The following MERTK variants were observed in gnomAD, a reference collection of about 807,000 sequenced individuals.
MERTK encodes the protein tyrosine-protein kinase Mer.
Under a neutral mutation model 99.3 loss-of-function variants are expected in MERTK, and 69 were observed. That is an observed-to-expected ratio of 0.70 (90% confidence interval 0.57 to 0.85). MERTK has a LOEUF of 0.85. MERTK is among the 40% of genes least tolerant of loss of function. The pLI, the probability that MERTK is intolerant of heterozygous loss-of-function variation, is 0.00. For missense variants in MERTK, 1,125 were observed against 1,249.4 expected (o/e 0.90, Z 1.50); for synonymous variants, 426 against 467.6 (o/e 0.91, Z 1.15).
chr2:111,961,838 T>C (rs559510181), intron 4 of MERTK, among the ~76,000 whole-genome samples: 1 of 152,334 alleles, frequency 6.6e-6, no homozygotes, highest in Non-Finnish European at 1.5e-5. Context: ...CAGTCACAGC[T>C]CTCTGCCATG....
chr2:111,900,729 A>G (rs542491012), intron 1 of MERTK, among the ~76,000 whole-genome samples: 10 of 152,206 alleles, frequency 6.6e-5, no homozygotes, highest in Admixed American at 2.0e-4. Context: ...TTTGAACTTT[A>G]CCTATGAGAT....
intron 8 of MERTK, among the ~76,000 whole-genome samples, chr2:111,986,223 G>A (rs1516628): frequency 0.62 from 94,091 of 152,058 alleles, 29,491 homozygotes; most frequent in Middle Eastern, 0.69. Flanking sequence ...TCACAGCTGC[G>A]AGAGAAGCAG....
At chr2:111,967,989 A>T in intron 5 of MERTK, 148 bp from the exon 6 acceptor site, 1 of 697,648 alleles carries the variant, frequency 1.4e-6, no homozygotes. Flanking sequence ...ACCCTCAGGC[A>T]TAGGGAGGCT....
chr2:111,908,922 CA>C (rs1181159588), intron 1 of MERTK, among the ~76,000 whole-genome samples: 2 of 152,072 alleles, frequency 1.3e-5, no homozygotes, highest in African/African-American at 2.4e-5. Flanking sequence ...AACATCTCAA[CA>C]GCAAAAAACA....
rs762102995 is a variant in MERTK, at chr2:112,010,074, T to A, written c.2079+8T>A. 1.6e-5 allele frequency: 25 copies of A among 1,572,136 alleles called. No individual in the cohort carries two copies. In the South Asian group the frequency reaches 2.7e-4, roughly 17 times the overall value. On this transcript the variant is annotated splice_region_variant and intron_variant, in intron 15 of 18. Coordinates refer to ENST00000295408, the MANE Select transcript of MERTK (RefSeq NM_006343.3). ...TTGGAGACAGGACCAAAGGTAATGA[T>A]CTCCTTGTGTTACCCCTGAACACTT...
chr2:111,972,556 AT>A (rs1297710202), intron 6 of MERTK, among the ~76,000 whole-genome samples: 1 of 152,200 alleles, frequency 6.6e-6, no homozygotes, highest in Non-Finnish European at 1.5e-5. Flanking sequence ...ATGAAGAAGC[AT>A]CCTGAGACAG....
chr2:111,928,216 CTTTTTTTTTTTTT>C (rs34872417), intron 1 of MERTK, among the ~76,000 whole-genome samples: 4 of 84,848 alleles, frequency 4.7e-5, no homozygotes, highest in Non-Finnish European at 8.6e-5. Flanking sequence ...CCATGAGCAG[CTTTTTTTTTTTTT>C]TTTTTTTTTT....
chr2:111,964,785 G>C (rs1164865286), intron 4 of MERTK, among the ~76,000 whole-genome samples: 1 of 152,006 alleles, frequency 6.6e-6, no homozygotes, highest in Non-Finnish European at 1.5e-5. Flanking sequence ...CTTTTATTTT[G>C]CTATTTCTGG....
chr2:112,008,825 G>C, intron 14 of MERTK: 1 of 357,278 alleles, frequency 2.8e-6, no homozygotes, highest in Non-Finnish European at 5.4e-6. Flanking sequence ...TTAGATAGCA[G>C]TGGGATAAAG....
At chr2:111,973,213 G>C (rs554744252) in intron 6 of MERTK, among the ~76,000 whole-genome samples, 1 of 152,274 alleles carries the variant, frequency 6.6e-6, no homozygotes, top group East Asian at 1.9e-4. Flanking sequence ...CCTGAGCCTG[G>C]AAGTGCTCCC....
rs1240257353 is a variant in MERTK at position 111,947,424 on chromosome 2, G to A, written c.614G>A (p.Ser205Asn). ...CCTCACTTTACTAAGCAGCCTGAGA[G>A]CATGAATGTCACCAGAAACACAGCC... ...GLPHFTKQPE[S>N]MNVTRNTAFN... The change falls in exon 4 of 19, where the codon AGC becomes AAC. Residue 205 changes from serine to asparagine, a missense_variant. Physicochemically the swap from Ser to Asn is conservative, Grantham distance 46 (BLOSUM62 1). Transcript: ENST00000295408. The A allele has an allele frequency of 2.9e-5, 47 of 1,614,066 alleles. No homozygotes were observed. The highest frequency in any genetic ancestry group is 1.6e-4 in the Middle Eastern group (1 of 6,084).
chr2:111,938,263 T>C (rs1684798268), intron 2 of MERTK, among the ~76,000 whole-genome samples: 1 of 104,788 alleles, frequency 9.5e-6, no homozygotes, highest in Non-Finnish European at 2.1e-5. Context: ...GTTTGTTGTT[T>C]GTTTTTTTGT....
chr2:111,910,498 G>GA (rs910234779), intron 1 of MERTK, among the ~76,000 whole-genome samples: 2 of 151,506 alleles, frequency 1.3e-5, no homozygotes, highest in Non-Finnish European at 2.9e-5. Flanking sequence ...TCGAACTCCT[G>GA]ACCTCAGGTG....
intron 1 of MERTK, among the ~76,000 whole-genome samples, chr2:111,915,065 T>G (rs1194572995): frequency 6.6e-6 from 1 of 152,230 alleles, no homozygotes; most frequent in Admixed American, 6.5e-5. Context: ...TTCAATTTCC[T>G]TAATAGTTAT....
intron 1 of MERTK, among the ~76,000 whole-genome samples, chr2:111,925,290 A>ATTTTTTTTTTT (rs1336943200): frequency 9.5e-5 from 3 of 31,504 alleles, no homozygotes; most frequent in Non-Finnish European, 1.6e-4. Context: ...ATATATATAT[A>ATTTTTTTTTTT]TATTTTTTTT....
chr2:111,929,813 C>A (rs2104687309), intron 2 of MERTK, among the ~76,000 whole-genome samples: 1 of 151,168 alleles, frequency 6.6e-6, no homozygotes. Context: ...GATGCCCAGG[C>A]TGGTCTCAAA....
Position 111,989,892 on chromosome 2 carries a change from T to C in MERTK, c.1297-4359T>C, listed in dbSNP as rs1489317644. ...TAAATCTGATTTTATTACCAGGAAATGCTTTCAGATGTTTAAGTCCTTGAG... is the reference window on the plus strand; with the variant it reads ...TAAATCTGATTTTATTACCAGGAAACGCTTTCAGATGTTTAAGTCCTTGAG... On this transcript the variant is annotated intron_variant, in intron 8 of 18. Coordinates refer to ENST00000295408, the MANE Select transcript of MERTK (RefSeq NM_006343.3). 2.0e-5 allele frequency among the ~76,000 whole-genome samples: 3 copies of C among 152,178 alleles called. No individual in the cohort carries two copies. The East Asian group carries it at 5.8e-4, about 29-fold the overall frequency.
At chr2:112,010,162 A>G (rs75313362) in intron 15 of MERTK, 96 bp downstream of exon 15, 229,177 of 963,262 alleles carry the variant, frequency 0.24, 30,753 homozygotes, top group South Asian at 0.32. Context: ...TGAAGCCAGG[A>G]AGGAGAGGAC....
At chr2:111,987,972 A>G (rs1179583065) in intron 8 of MERTK, among the ~76,000 whole-genome samples, 3 of 149,412 alleles carry the variant, frequency 2.0e-5, no homozygotes, top group Non-Finnish European at 4.4e-5. Flanking sequence ...TTGAGACAGC[A>G]TGATATATAG....
Sources: allele counts gnomAD v4.1 joint callset (sites outside exome capture counted in the v4.1 genomes callset), GRCh38; gene constraint gnomAD v4.1.1; transcripts MANE v1.5; gene names NCBI Gene and HGNC (gene_info 2026-07-23, HGNC 2026-07-21).